The following CELF2 variants were observed in gnomAD, a reference collection of about 807,000 sequenced individuals.
The protein encoded by CELF2 is CUG triplet repeat RNA-binding protein 2.
In CELF2, 8 loss-of-function variants were observed where a neutral mutation model predicts 62.6. The observed-to-expected ratio is 0.13, with a 90% CI of 0.07 to 0.23. The LOEUF (loss-of-function observed/expected upper bound fraction) is 0.23, where lower values mean the gene tolerates loss of function less well. Among genes scored for constraint, CELF2 ranks in the 10% least tolerant of loss-of-function variants. The probability of loss-of-function intolerance (pLI) is 1.00; values close to 1 mark genes in which losing one functional copy is unlikely to be tolerated. For missense variants in CELF2, 333 were observed against 671.0 expected (o/e 0.50, Z 5.56); for synonymous variants, 258 against 250.0 (o/e 1.03, Z -0.30).
At chr10:10,751,438 C>T in the CELF2 span, among the ~76,000 whole-genome samples, 1 of 152,200 alleles carries the variant, frequency 6.6e-6, no homozygotes, top group Non-Finnish European at 1.5e-5. Context: ...ATCTGAAGGG[C>T]ACAGAATGAT....
At chr10:10,871,881 C>T (rs1425220251) in intron 1 of CELF2, among the ~76,000 whole-genome samples, 2 of 152,114 alleles carry the variant, frequency 1.3e-5, no homozygotes, top group Non-Finnish European at 2.9e-5. Context: ...AACATGCAAA[C>T]GTATTCTCAG....
At chr10:11,024,639 A>G (rs886713144) in intron 1 of CELF2, among the ~76,000 whole-genome samples, 8 of 150,646 alleles carry the variant, frequency 5.3e-5, no homozygotes, top group African/African-American at 2.0e-4. Flanking sequence ...TAATAATAAT[A>G]ATGAAGAAGT....
At chr10:11,209,929 T>C (rs1201724602) in intron 2 of CELF2, among the ~76,000 whole-genome samples, 1 of 152,208 alleles carries the variant, frequency 6.6e-6, no homozygotes, top group East Asian at 1.9e-4. Context: ...GAAGCCAAGA[T>C]CCCAGTTGCA....
chr10:11,043,913 G>A (rs1022670209), intron 1 of CELF2, among the ~76,000 whole-genome samples: 2 of 152,222 alleles, frequency 1.3e-5, no homozygotes, highest in Non-Finnish European at 2.9e-5. Flanking sequence ...CCTGCCGCTT[G>A]CAGTTCCAGC....
intron 1 of CELF2, among the ~76,000 whole-genome samples, chr10:10,910,189 A>C (rs1463573351): frequency 2.0e-5 from 3 of 152,132 alleles, no homozygotes; most frequent in Admixed American, 6.6e-5. Context: ...CTTATATAAA[A>C]TTTTTGTTTT....
chr10:10,970,124 A>G (rs1350525930), intron 2 of CELF2, among the ~76,000 whole-genome samples: 1 of 152,162 alleles, frequency 6.6e-6, no homozygotes, highest in Non-Finnish European at 1.5e-5. Context: ...GCTGGAGTGC[A>G]GTGGCGCAAT....
chr10:11,019,358 G>A (rs983042129), intron 1 of CELF2, among the ~76,000 whole-genome samples: 12 of 152,144 alleles, frequency 7.9e-5, no homozygotes, highest in African/African-American at 2.9e-4. Flanking sequence ...GTAAGAGTGC[G>A]TGTAAAATGT....
At position 11,017,963 on chromosome 10, in the gene CELF2, A is replaced by T. The variant is rs2057533308; in HGVS notation, c.-127A>T. 1 of 987,482 alleles carries T rather than the reference A, an allele frequency of 1.0e-6. No homozygotes were observed. Among genetic ancestry groups the T allele is most frequent in the South Asian group, 4.6e-5 (1 of 21,620 alleles). 61.2% of individuals were successfully genotyped at this position (987,482 alleles called of 1,614,324 possible). A position where few individuals can be genotyped will look rare whatever the true frequency, so the allele number is the denominator to read the frequency against. ...GCGGAGCGCGAGGAGAGAATGTGACAAGTGCCGGCTCGGCGGCCGCCGGGG... is the reference window on the plus strand; with the variant it reads ...GCGGAGCGCGAGGAGAGAATGTGACTAGTGCCGGCTCGGCGGCCGCCGGGG... On this transcript the variant is annotated 5_prime_UTR_variant, in exon 1 of 13. Transcript: ENST00000633077. The surrounding 1 kb of genome is among the most constrained non-coding windows in gnomAD (Gnocchi z 5.5).
At position 11,247,240 on chromosome 10, in the gene CELF2, C is replaced by T. The variant is rs563862443; in HGVS notation, c.355-1913C>T. The stretch of plus-strand genomic sequence containing the variant: ...TTCAGACAAAATTTCAGTTCCTTAG[C>T]TTGCAAGACCCTCTGAGAGCTGGGT... On this transcript the variant is annotated intron_variant, in intron 3 of 12. Coordinates refer to ENST00000633077, the MANE Select transcript of CELF2 (RefSeq NM_001326342.2). The surrounding 1 kb of genome is among the most constrained non-coding windows in gnomAD (Gnocchi z 5.4). 1.3e-5 allele frequency among the ~76,000 whole-genome samples: 2 copies of T among 152,366 alleles called. No homozygotes were observed. The highest frequency in any genetic ancestry group is 2.4e-5 in the African/African-American group (1 of 41,588).
chr10:10,732,378 T>C, the CELF2 span, among the ~76,000 whole-genome samples: 3 of 152,166 alleles, frequency 2.0e-5, no homozygotes, highest in Non-Finnish European at 2.9e-5. Context: ...TTTATGAATA[T>C]GTTTTTGCAG....
chr10:11,033,904 TTTTGTTGTCAC>T (rs1205905585), intron 1 of CELF2, among the ~76,000 whole-genome samples: 4 of 152,262 alleles, frequency 2.6e-5, no homozygotes, highest in Non-Finnish European at 5.9e-5. Context: ...TGATTAGTTG[TTTTGTTGTCAC>T]TTGGAAACAA....
the CELF2 span, among the ~76,000 whole-genome samples, chr10:10,740,697 A>C: frequency 1.3e-5 from 2 of 152,238 alleles, no homozygotes; most frequent in African/African-American, 2.4e-5. Flanking sequence ...GAATAAATGG[A>C]TAAAGAAATA....
At chr10:10,578,872 G>T in the CELF2 span, among the ~76,000 whole-genome samples, 1 of 152,090 alleles carries the variant, frequency 6.6e-6, no homozygotes, top group Non-Finnish European at 1.5e-5. Context: ...CCCAATGCTT[G>T]ATACACTTTA....
chr10:10,489,749 T>G, the CELF2 span, among the ~76,000 whole-genome samples: 1 of 151,752 alleles, frequency 6.6e-6, no homozygotes, highest in Admixed American at 6.6e-5. Flanking sequence ...GTGTGGCCTA[T>G]CCTTAAAACA....
chr10:10,870,081 A>G (rs545391478), intron 1 of CELF2, among the ~76,000 whole-genome samples: 1 of 152,238 alleles, frequency 6.6e-6, no homozygotes, highest in African/African-American at 2.4e-5. Context: ...GCAAAGAAAT[A>G]GGAGATGGTT....
intron 2 of CELF2, among the ~76,000 whole-genome samples, chr10:10,985,618 G>T (rs1438807749): frequency 2.0e-5 from 3 of 152,210 alleles, no homozygotes; most frequent in Non-Finnish European, 4.4e-5. Context: ...GCTGGTTCAT[G>T]CTAGAAACAG....
chr10:11,175,065 C>A (rs1565094606), intron 2 of CELF2, among the ~76,000 whole-genome samples: 1 of 151,736 alleles, frequency 6.6e-6, no homozygotes, highest in African/African-American at 2.4e-5. Flanking sequence ...AAAGTCTGCC[C>A]CCCCGCCCCA....
At chr10:10,622,338 G>C in the CELF2 span, among the ~76,000 whole-genome samples, 1 of 152,172 alleles carries the variant, frequency 6.6e-6, no homozygotes, top group Admixed American at 6.5e-5. Context: ...GCCAGGTATG[G>C]TGGCTCACGC....
the CELF2 span, chr10:10,789,073 G>T: frequency 6.6e-6 from 1 of 152,102 alleles, no homozygotes; most frequent in Non-Finnish European, 1.5e-5. Context: ...AAAGATGATT[G>T]CAAAAGAGAA....
Sources: gnomAD v4.1 joint callset for allele counts (sites outside exome capture counted in the v4.1 genomes callset) on GRCh38, gnomAD v4.1.1 for gene constraint, Gnocchi (gnomAD v3.1) non-coding constraint, MANE v1.5 for transcripts, NCBI Gene and HGNC (gene_info 2026-07-23, HGNC 2026-07-21) for gene names.